The following ABCA8 variants were observed in gnomAD, a reference collection of about 807,000 sequenced individuals.
ABCA8 encodes the protein ATP binding cassette subfamily A member 8.
Under a neutral mutation model 192.3 loss-of-function variants are expected in ABCA8, and 177 were observed. The ratio of observed to expected loss-of-function variants is 0.92; its 90% CI spans 0.81 to 1.04. The LOEUF (loss-of-function observed/expected upper bound fraction) is 1.04, where lower values mean the gene tolerates loss of function less well. Among genes scored for constraint, ABCA8 ranks in the 50% least tolerant of loss-of-function variants. The pLI is 0.00. For missense variants in ABCA8, 1,915 were observed against 1,904.8 expected, an observed-to-expected ratio of 1.01 and a Z score of -0.10; for synonymous variants, 642 against 690.2, an observed-to-expected ratio of 0.93 and a Z score of 1.09.
intron 1 of ABCA8, among the ~76,000 whole-genome samples, chr17:68,953,396 A>G (rs1182342775): frequency 6.6e-6 from 1 of 152,206 alleles, no homozygotes; most frequent in Non-Finnish European, 1.5e-5. Context: ...AACTGAAGCC[A>G]TCATCTCATT....
rs1173618215 is a variant in ABCA8 at position 68,906,062 on chromosome 17, AT to A, written c.2379del (p.Lys793AsnfsTer39). On this transcript the variant is annotated frameshift_variant, in exon 19 of 40. Transcript: ENST00000586539. LOFTEE classifies it high-confidence loss of function. ...LNEVFLKLEGKSTINESDIAI... is the reference protein window; with the variant it reads ...LNEVFLKLEGXSTINESDIAI... ...TATTTACCCGATTCATTAATTGTAG[AT>A]TTTCCTTCTAGCTTCAGGAATACTT... 1.9e-6 allele frequency: 3 copies of A among 1,588,218 alleles called. No individual in the cohort carries two copies. The Admixed American group carries it at 5.5e-5, about 29-fold the overall frequency.
intron 17 of ABCA8, among the ~76,000 whole-genome samples, chr17:68,916,541 G>C (rs900109166): frequency 2.1e-4 from 32 of 152,208 alleles, no homozygotes; most frequent in African/African-American, 7.7e-4. Context: ...AAAGTTAAAA[G>C]ATAGAAGGTT....
At chr17:68,876,065 C>T (rs940600160) in intron 35 of ABCA8, among the ~76,000 whole-genome samples, 2 of 152,160 alleles carry the variant, frequency 1.3e-5, no homozygotes, top group African/African-American at 4.8e-5. Flanking sequence ...CAGCGTCTCA[C>T]AACCTAGTGA....
intron 19 of ABCA8, among the ~76,000 whole-genome samples, chr17:68,905,518 T>A (rs939388590): frequency 6.6e-6 from 1 of 152,178 alleles, no homozygotes; most frequent in Non-Finnish European, 1.5e-5. Flanking sequence ...GAGTTTATTA[T>A]GTTCGGCTTC....
At chr17:68,944,370 A>C (rs2068335973) in intron 2 of ABCA8, among the ~76,000 whole-genome samples, 1 of 139,418 alleles carries the variant, frequency 7.2e-6, no homozygotes, top group Non-Finnish European at 1.6e-5. Context: ...ACACATATAC[A>C]TACATATGCA....
intron 17 of ABCA8, among the ~76,000 whole-genome samples, chr17:68,910,110 C>T (rs903028853): frequency 1.3e-5 from 2 of 152,138 alleles, no homozygotes; most frequent in African/African-American, 2.4e-5. Flanking sequence ...ATCTTCCCAT[C>T]CCCCAGGAAC....
intron 19 of ABCA8, among the ~76,000 whole-genome samples, chr17:68,904,143 G>A (rs997469032): frequency 2.0e-5 from 3 of 151,842 alleles, no homozygotes; most frequent in African/African-American, 4.8e-5. Flanking sequence ...TTAGCCGGGC[G>A]TGGTGGTGGG....
intron 18 of ABCA8, among the ~76,000 whole-genome samples, chr17:68,907,310 T>C (rs570348676): frequency 9.5e-4 from 145 of 152,126 alleles, no homozygotes; most frequent in African/African-American, 3.0e-3. Context: ...AAGGAACAAG[T>C]TCCCTGAACA....
chr17:68,894,834 G>A, intron 22 of ABCA8, 46 bp downstream of exon 22: 1 of 1,565,716 alleles, frequency 6.4e-7, no homozygotes, highest in Non-Finnish European at 8.6e-7. Flanking sequence ...TTGATATTAT[G>A]TTAGCTTTTC....
intron 2 of ABCA8, among the ~76,000 whole-genome samples, chr17:68,945,698 A>G (rs1442287724): frequency 2.6e-5 from 4 of 152,138 alleles, no homozygotes; most frequent in Non-Finnish European, 5.9e-5. Flanking sequence ...TTTCTCAAGC[A>G]TATTGTTCCA....
rs767560827 is a variant in ABCA8, at chr17:68,919,352, G to A, written c.1737C>T (p.Leu579=). ...QFDFLTVREN[L]RLFAKIKGIL... ...TCCCTTTTATTTTAGCAAAGAGTCT[G>A]AGGTTTTCTCTTACAGTGAGGAAGT... Residue 579 remains leucine, a synonymous_variant, in exon 14 of 40, where the codon CTC becomes CTT. Transcript: ENST00000586539. 1 of 1,613,850 alleles carries A rather than the reference G, an allele frequency of 6.2e-7. No homozygotes were observed. Among genetic ancestry groups the A allele is most frequent in the East Asian group, 2.2e-5 (1 of 44,850 alleles).
intron 2 of ABCA8, among the ~76,000 whole-genome samples, chr17:68,942,599 C>G (rs181273042): frequency 6.6e-6 from 1 of 152,088 alleles, no homozygotes; most frequent in South Asian, 2.1e-4. Flanking sequence ...TCCCTTTCCT[C>G]GAAGCTCTGT....
In ABCA8 at chr17:68,894,296, C is replaced by T. The variant is rs142661197; in HGVS notation, c.2913G>A (p.Ser971=). 66 of 1,607,416 alleles carry T rather than the reference C, an allele frequency of 4.1e-5. No individual in the cohort carries two copies. The highest frequency in any genetic ancestry group is 5.4e-5 in the African/African-American group (4 of 74,630). Residue 971 remains serine, a synonymous_variant, in exon 23 of 40, where the codon TCG becomes TCA. Transcript: ENST00000586539. ...TCAATCTTTTGGCATTGCATGCTAA[C>T]GAAAAGCTGTAATTCTAAAATATAA... ...VCCNEKNYSF[S]LACNAKRLNC...
chr17:68,909,945 A>T (rs938408381), intron 17 of ABCA8, among the ~76,000 whole-genome samples: 3 of 152,242 alleles, frequency 2.0e-5, no homozygotes, highest in Non-Finnish European at 4.4e-5. Flanking sequence ...TTTAGAATTT[A>T]AAAATATTCA....
At position 68,905,211 on chromosome 17, in the gene ABCA8, T is replaced by A. The variant is rs116196363; in HGVS notation, c.2398+833A>T. On this transcript the variant is annotated intron_variant, in intron 19 of 39. Transcript: ENST00000586539. ...GTTTACCTCAGTGTTCCTGTTTTGT[T>A]AAAGTAACATCCATGATAAAATACA... 3.8e-3 allele frequency among the ~76,000 whole-genome samples: 585 copies of A among 152,210 alleles called. 5 individuals carry two copies. The highest frequency in any genetic ancestry group is 0.014 in the African/African-American group (576 of 41,520).
At chr17:68,937,357 C>A (rs2068095718) in intron 4 of ABCA8, among the ~76,000 whole-genome samples, 1 of 151,946 alleles carries the variant, frequency 6.6e-6, no homozygotes, top group Non-Finnish European at 1.5e-5. Context: ...GATTACTGAG[C>A]CAATTTCAAT....
chr17:68,891,537 T>C lies in ABCA8; in HGVS notation c.3096A>G (p.Thr1032=), dbSNP rs112831117. The change falls in exon 24 of 40, where the codon ACA becomes ACG. Residue 1032 remains threonine, a synonymous_variant. Coordinates refer to ENST00000586539, the MANE Select transcript of ABCA8 (RefSeq NM_001288985.2). ...TGGCAATGTAAGGTGGGCAACTCGA[T>C]GTTAAAACCAGCCAGAACATGATAT... The part of the protein sequence containing the change: ...LAYIMFWLVL[T]SSCPPYIAMS... 3.7e-6 allele frequency: 6 copies of C among 1,613,372 alleles called. No homozygotes were observed. Among genetic ancestry groups the C allele is most frequent in the South Asian group, 2.2e-5 (2 of 91,078 alleles).
At chr17:68,875,219 T>C in intron 37 of ABCA8, 41 bp downstream of exon 37, 1 of 1,610,262 alleles carries the variant, frequency 6.2e-7, no homozygotes. Context: ...CAAGTAACAG[T>C]GAACATTTGG....
chr17:68,888,848 G>T (rs1366035333), intron 24 of ABCA8, among the ~76,000 whole-genome samples: 1 of 152,158 alleles, frequency 6.6e-6, no homozygotes, highest in Non-Finnish European at 1.5e-5. Flanking sequence ...AGATGGGTTT[G>T]CCTAAGACAG....
Sources: allele counts gnomAD v4.1 joint callset (sites outside exome capture counted in the v4.1 genomes callset), GRCh38; gene constraint gnomAD v4.1.1; transcripts MANE v1.5; gene names NCBI Gene and HGNC (gene_info 2026-07-23, HGNC 2026-07-21).